The following KANSL1 variants were observed in gnomAD, a reference collection of about 807,000 sequenced individuals.
The protein encoded by KANSL1 is MLL1/MLL complex subunit KANSL1.
Under a neutral mutation model 103.6 loss-of-function variants are expected in KANSL1, and 22 were observed. That is an observed-to-expected ratio of 0.21 (90% CI 0.15 to 0.30). KANSL1 has a LOEUF of 0.30. KANSL1 is among the 10% of genes least tolerant of loss of function. The pLI is 1.00. For missense variants in KANSL1, 1,337 were observed against 1,399.8 expected (o/e 0.96, Z 0.72); for synonymous variants, 600 against 527.6 (o/e 1.14, Z -1.88).
In KANSL1 at chr17:46,059,647, A is replaced by AAAAAGAGAGAG. The variant is rs541946204; in HGVS notation, c.1848+6889_1848+6890insCTCTCTCTTTT. Reference sequence around the variant, plus strand: ...TGACTCCAAAAAAAAAAAAAAAAAAAAGAGAGAGAGAGAGAGAGAAAAGGA... The same window carrying AAAAAGAGAGAG: ...TGACTCCAAAAAAAAAAAAAAAAAAAAAAAGAGAGAGAGAGAGAGAGAGAGAGAGAAAAGGA... On this transcript the variant is annotated intron_variant, in intron 6 of 14. Coordinates refer to ENST00000432791, the MANE Select transcript of KANSL1 (RefSeq NM_015443.4). Among the ~76,000 whole-genome samples, 260 of 54,892 alleles carry AAAAAGAGAGAG rather than the reference A, an allele frequency of 4.7e-3. 11 individuals carry two copies. Among genetic ancestry groups the AAAAAGAGAGAG allele is most frequent in the East Asian group, 0.028 (40 of 1,448 alleles). The allele number at this position is 54,892 out of a possible 152,430, so 36.0% of individuals were successfully genotyped here.
intron 2 of KANSL1, among the ~76,000 whole-genome samples, chr17:46,124,980 AGAAGGAAAGAAAGG>A (rs892825233): frequency 8.1e-5 from 12 of 147,534 alleles, no homozygotes; most frequent in East Asian, 4.0e-4. Flanking sequence ...ATCGAGAATT[AGAAGGAAAGAAAGG>A]GAAGGAAAGA....
chr17:46,100,444 C>CAAAAAAAAAAAAAAAAAA (rs369274727), intron 2 of KANSL1, among the ~76,000 whole-genome samples: 1 of 88,264 alleles, frequency 1.1e-5, no homozygotes, highest in Non-Finnish European at 2.4e-5. Flanking sequence ...TCCCTCTCCC[C>CAAAAAAAAAAAAAAAAAA]AAAAAAAAAA....
At chr17:46,036,467 T>C (rs1355231725) in intron 10 of KANSL1, among the ~76,000 whole-genome samples, 1 of 152,250 alleles carries the variant, frequency 6.6e-6, no homozygotes. Context: ...AGATTTTTCT[T>C]TTCATTATTC....
At chr17:46,078,986 C>A (rs568336364) in intron 4 of KANSL1, among the ~76,000 whole-genome samples, 13 of 152,296 alleles carry the variant, frequency 8.5e-5, no homozygotes, top group African/African-American at 3.1e-4. Context: ...GCTAGCCTTA[C>A]ACCTTTAAAA....
chr17:46,194,855 A>C (rs2047554058), upstream of KANSL1, among the ~76,000 whole-genome samples: 1 of 152,218 alleles, frequency 6.6e-6, no homozygotes, highest in Non-Finnish European at 1.5e-5. Context: ...ACAAAGTTAC[A>C]CTAACTCACC....
intron 2 of KANSL1, among the ~76,000 whole-genome samples, chr17:46,156,288 A>G (rs1297927176): frequency 6.6e-6 from 1 of 152,254 alleles, no homozygotes; most frequent in Non-Finnish European, 1.5e-5. Flanking sequence ...CAGAGGTTGC[A>G]GTGAGCCGAG....
At chr17:46,151,301 C>A (rs938217487) in intron 2 of KANSL1, among the ~76,000 whole-genome samples, 6 of 152,200 alleles carry the variant, frequency 3.9e-5, no homozygotes. Context: ...TCCAACAAAC[C>A]GGGCTCAGTC....
At chr17:46,094,455 A>G (rs2041976858) in intron 3 of KANSL1, 105 bp downstream of exon 3, 1 of 1,299,998 alleles carries the variant, frequency 7.7e-7, no homozygotes, top group Admixed American at 2.3e-5. Flanking sequence ...ACTTTGCAAT[A>G]GTTAAGAAGA....
At chr17:46,097,847 C>T (rs1316008453) in intron 2 of KANSL1, among the ~76,000 whole-genome samples, 2 of 149,836 alleles carry the variant, frequency 1.3e-5, no homozygotes, top group Admixed American at 6.6e-5. Context: ...CTGACCACGA[C>T]AGAGTAAGAC....
At chr17:46,051,014 C>G (rs1452303036) in intron 6 of KANSL1, among the ~76,000 whole-genome samples, 1 of 152,200 alleles carries the variant, frequency 6.6e-6, no homozygotes, top group Non-Finnish European at 1.5e-5. Flanking sequence ...GATACTAAAA[C>G]TGTGCTTTCT....
At chr17:46,060,930 A>G (rs1056003954) in intron 6 of KANSL1, among the ~76,000 whole-genome samples, 1 of 152,182 alleles carries the variant, frequency 6.6e-6, no homozygotes, top group African/African-American at 2.4e-5. Context: ...AATCCCCCCT[A>G]TGACAACAAG....
intron 2 of KANSL1, among the ~76,000 whole-genome samples, chr17:46,148,484 C>T (rs1313247211): frequency 2.0e-5 from 3 of 152,204 alleles, no homozygotes; most frequent in Non-Finnish European, 4.4e-5. Context: ...AAGATCAGCG[C>T]TCTGAACTAA....
chr17:46,208,361 C>T (rs1228491173), intron 1 of KANSL1, among the ~76,000 whole-genome samples: 1 of 152,108 alleles, frequency 6.6e-6, no homozygotes, highest in Admixed American at 6.5e-5. Flanking sequence ...CCTGTAATCC[C>T]AGCACTTTGG....
intron 2 of KANSL1, among the ~76,000 whole-genome samples, chr17:46,154,490 A>G (rs1314154077): frequency 1.3e-5 from 2 of 152,214 alleles, no homozygotes; most frequent in Non-Finnish European, 2.9e-5. Context: ...CACGTTGCCC[A>G]GGCTGGTCTC....
At chr17:46,179,889 C>G (rs2046699823) in intron 1 of KANSL1, among the ~76,000 whole-genome samples, 1 of 151,388 alleles carries the variant, frequency 6.6e-6, no homozygotes, top group African/African-American at 2.4e-5. Flanking sequence ...ATGGCGAAAC[C>G]CCATCTCTAC....
rs1452835061 is a variant in KANSL1, at chr17:46,067,852, A to G, written c.1534-185T>C. On this transcript the variant is annotated intron_variant, in intron 4 of 14. Coordinates refer to ENST00000432791, the MANE Select transcript of KANSL1 (RefSeq NM_015443.4). ...TGGTCAGGTATGATGGCTCGCAACT[A>G]TAATTGCAGCACTTTGGGAGGCCAA... Among the ~76,000 whole-genome samples the G allele has an allele frequency of 6.6e-5, 10 of 152,138 alleles. No individual in the cohort carries two copies. In the South Asian group the frequency reaches 8.3e-4, roughly 13 times the overall value.
chr17:46,041,050 CA>C (rs541652627), intron 7 of KANSL1: 5 of 152,204 alleles, frequency 3.3e-5, no homozygotes, highest in South Asian at 2.1e-4. Flanking sequence ...GCCAGGCTGA[CA>C]AAAGTCTCAG....
intron 3 of KANSL1, among the ~76,000 whole-genome samples, chr17:46,091,067 T>C (rs1419470467): frequency 2.6e-5 from 4 of 152,348 alleles, no homozygotes; most frequent in East Asian, 1.9e-4. Context: ...TCACAGGCAA[T>C]GAAAGCTCCG....
At chr17:46,144,889 A>T (rs1372907257) in intron 2 of KANSL1, among the ~76,000 whole-genome samples, 7 of 152,210 alleles carry the variant, frequency 4.6e-5, no homozygotes, top group Non-Finnish European at 1.0e-4. Context: ...AACTCCCCAG[A>T]TTACCTCACA....
Sources: gnomAD v4.1 joint callset for allele counts (sites outside exome capture counted in the v4.1 genomes callset) on GRCh38, gnomAD v4.1.1 for gene constraint, MANE v1.5 for transcripts, NCBI Gene and HGNC (gene_info 2026-07-23, HGNC 2026-07-21) for gene names.